Variants in SRGAP2B observed in about 807,000 individuals in gnomAD.
The protein encoded by SRGAP2B is SLIT-ROBO Rho GTPase-activating protein 2B.
In SRGAP2B, 9 loss-of-function variants were observed where a neutral mutation model predicts 22.2. The ratio of observed to expected loss-of-function variants is 0.41; its 90% CI spans 0.24 to 0.71. The LOEUF (loss-of-function observed/expected upper bound fraction) is 0.71. Ranked by LOEUF, SRGAP2B falls within the 30% of genes least tolerant of loss-of-function variation. SRGAP2B has a pLI of 0.35. For missense variants in SRGAP2B, 114 were observed against 235.8 expected, an observed-to-expected ratio of 0.48 and a Z score of 3.38; for synonymous variants, 36 against 87.4, an observed-to-expected ratio of 0.41 and a Z score of 3.28.
rs1290453457 is a variant in SRGAP2B at position 145,030,280 on chromosome 1, T to C, written c.68-35080A>G. On this transcript the variant is annotated intron_variant, in intron 2 of 9. Transcript: ENST00000612199. ...CTTTATTTCTATTTTTCAGAACATATATCATTTACACACGTTATTCTTCCA... is the reference window on the plus strand; with the variant it reads ...CTTTATTTCTATTTTTCAGAACATACATCATTTACACACGTTATTCTTCCA... Among the ~76,000 whole-genome samples the C allele has an allele frequency of 1.3e-5, 2 of 150,262 alleles. 1 individual carries two copies. Among genetic ancestry groups the C allele is most frequent in the Non-Finnish European group, 2.9e-5 (2 of 67,928 alleles).
chr1:145,093,756 G>A (rs1654182879), intron 1 of SRGAP2B, among the ~76,000 whole-genome samples: 1 of 148,722 alleles, frequency 6.7e-6, no homozygotes, highest in Non-Finnish European at 1.5e-5. Flanking sequence ...GCTGGGCAGC[G>A]GCCAGCCCGA....
At chr1:144,999,707 G>GT (rs1389027762) in intron 2 of SRGAP2B, among the ~76,000 whole-genome samples, 8 of 147,930 alleles carry the variant, frequency 5.4e-5, no homozygotes, top group Admixed American at 2.0e-4. Flanking sequence ...TTCTTATTAT[G>GT]TTTTTTTAAA....
Position 144,988,006 on chromosome 1 carries a change from A to G in SRGAP2B, c.260+7002T>C, listed in dbSNP as rs199739203. Among the ~76,000 whole-genome samples the G allele has an allele frequency of 2.3e-3, 352 of 150,490 alleles. 22 individuals are homozygous for G. In the East Asian group the frequency reaches 0.063, roughly 27 times the overall value. On this transcript the variant is annotated intron_variant, in intron 3 of 9. Transcript: ENST00000612199. ...GTTTAATGGTGGAAAAACAAACAGA[A>G]CTAAAGACAAGGTATACAATGCTAA...
chr1:144,933,314 C>A (rs1553605927), intron 4 of SRGAP2B, among the ~76,000 whole-genome samples: 1 of 150,068 alleles, frequency 6.7e-6, no homozygotes, highest in African/African-American at 2.5e-5. Context: ...CCAGTTTAAT[C>A]AGCTCACATC....
intron 2 of SRGAP2B, among the ~76,000 whole-genome samples, chr1:145,040,861 C>T (rs148398093): frequency 0.012 from 1,774 of 148,926 alleles, 31 homozygotes; most frequent in Non-Finnish European, 0.02. Flanking sequence ...GGTCCCTGCA[C>T]TTGCCGTTCC....
chr1:144,971,580 C>T (rs1231753273), intron 3 of SRGAP2B, among the ~76,000 whole-genome samples: 2 of 150,934 alleles, frequency 1.3e-5, no homozygotes, highest in Middle Eastern at 6.4e-3. Context: ...CAATTATGAG[C>T]CACCTCACCT....
intron 3 of SRGAP2B, among the ~76,000 whole-genome samples, chr1:144,964,782 G>A (rs1193772389): frequency 6.6e-6 from 1 of 150,634 alleles, no homozygotes; most frequent in Non-Finnish European, 1.5e-5. Context: ...AGCCAGGTAT[G>A]GTGACACGTG....
chr1:144,941,522 AC>A lies in SRGAP2B; in HGVS notation c.423+13916del, dbSNP rs1199635688. Among the ~76,000 whole-genome samples the A allele has an allele frequency of 1.2e-4, 18 of 150,340 alleles. 1 individual carries two copies. The highest frequency in any genetic ancestry group is 9.3e-4 in the Admixed American group (14 of 15,124). The stretch of plus-strand genomic sequence containing the variant: ...AGGAAAAAAAGAAAAAGAAAACAAA[AC>A]AAAAAACCCCAAGGGCTGGGCTTAA... On this transcript the variant is annotated intron_variant, in intron 4 of 9. Transcript: ENST00000612199.
At chr1:145,016,175 GT>G (rs1553623070) in intron 2 of SRGAP2B, among the ~76,000 whole-genome samples, 1 of 46,562 alleles carries the variant, frequency 2.1e-5, no homozygotes, top group Non-Finnish European at 3.7e-5. Context: ...CAGTCTCATC[GT>G]TTAGATATTA....
intron 3 of SRGAP2B, among the ~76,000 whole-genome samples, chr1:144,981,041 A>G (rs1669291070): frequency 6.7e-6 from 1 of 148,404 alleles, no homozygotes. Context: ...AGCCTGCCCG[A>G]TTTCCCCCAT....
intron 4 of SRGAP2B, among the ~76,000 whole-genome samples, chr1:144,955,088 C>T (rs1455056822): frequency 6.7e-6 from 1 of 150,066 alleles, no homozygotes; most frequent in Admixed American, 6.6e-5. Flanking sequence ...TGGGTTTATA[C>T]CTTGCAAATG....
chr1:145,008,968 G>A (rs1553621668), intron 2 of SRGAP2B, among the ~76,000 whole-genome samples: 1 of 149,448 alleles, frequency 6.7e-6, no homozygotes, highest in Non-Finnish European at 1.5e-5. Flanking sequence ...TCAGGAGATC[G>A]AGACCATCCT....
At chr1:145,023,751 G>A (rs1410559202) in intron 2 of SRGAP2B, among the ~76,000 whole-genome samples, 2 of 137,254 alleles carry the variant, frequency 1.5e-5, no homozygotes, top group African/African-American at 2.6e-5. Context: ...TATGCCCTGC[G>A]GGGAAAGACA....
At chr1:144,971,419 C>T (rs587608438) in intron 3 of SRGAP2B, among the ~76,000 whole-genome samples, 1 of 150,330 alleles carries the variant, frequency 6.7e-6, no homozygotes, top group Non-Finnish European at 1.5e-5. Context: ...GTGTGAACCA[C>T]CGCACCCGGC....
At chr1:144,940,622 A>C in intron 4 of SRGAP2B, among the ~76,000 whole-genome samples, 1 of 142,420 alleles carries the variant, frequency 7.0e-6, no homozygotes, top group Admixed American at 6.9e-5. Context: ...AACATGGTGA[A>C]ACCCCACCTC....
At chr1:144,896,532 CT>C (rs1310156481) in intron 8 of SRGAP2B, among the ~76,000 whole-genome samples, 1 of 122,158 alleles carries the variant, frequency 8.2e-6, no homozygotes, top group African/African-American at 3.4e-5. Flanking sequence ...GGTACCCATT[CT>C]TTTTTATTCA....
chr1:144,920,893 G>C (rs1664196787), intron 4 of SRGAP2B, among the ~76,000 whole-genome samples: 2 of 150,476 alleles, frequency 1.3e-5, no homozygotes, highest in Admixed American at 1.3e-4. Flanking sequence ...TTGCCGTCTT[G>C]AAGTGGCTGA....
rs1670888934 is a variant in SRGAP2B at position 144,998,710 on chromosome 1, A to G, written c.68-3510T>C. 1.3e-5 allele frequency among the ~76,000 whole-genome samples: 2 copies of G among 151,148 alleles called. 1 individual carries two copies. Among genetic ancestry groups the G allele is most frequent in the African/African-American group, 4.9e-5 (2 of 40,532 alleles). On this transcript the variant is annotated intron_variant, in intron 2 of 9. Coordinates refer to ENST00000612199, the Ensembl canonical transcript of SRGAP2B. ...GATGCCTCCCTTGTTACCATCTTCA[A>G]AGAATCCATACAGGCATTAAGGGAA...
At chr1:145,094,770 GC>G in intron 1 of SRGAP2B, 1 of 536,022 alleles carries the variant, frequency 1.9e-6, no homozygotes, top group Non-Finnish European at 3.2e-6. Flanking sequence ...CTCGGGGAGA[GC>G]CCCGGAAGCT....
Sources: allele counts gnomAD v4.1 joint callset (sites outside exome capture counted in the v4.1 genomes callset), GRCh38; gene constraint gnomAD v4.1.1; transcripts MANE v1.5; gene names NCBI Gene and HGNC (gene_info 2026-07-23, HGNC 2026-07-21).